The following MFRP variants were observed in gnomAD, a reference collection of about 807,000 sequenced individuals.
The protein encoded by MFRP is membrane frizzled-related protein.
MFRP carries 74 observed loss-of-function variants against 65.8 expected under a neutral mutation model. The ratio of observed to expected loss-of-function variants is 1.12; its 90% CI spans 0.93 to 1.36. The LOEUF is 1.36. MFRP is among the 40% of genes most tolerant of loss of function. MFRP has a pLI of 0.00. For synonymous variants in MFRP, 336 were observed against 288.3 expected (o/e 1.17, Z -1.68); for missense variants, 838 against 736.0 (o/e 1.14, Z -1.60).
At position 119,346,308 on chromosome 11, in the gene MFRP, C is replaced by G. The variant is rs370328104; in HGVS notation, c.121G>C (p.Glu41Gln). The G allele has an allele frequency of 2.5e-6, 4 of 1,613,908 alleles. No individual in the cohort carries two copies. The highest frequency in any genetic ancestry group is 3.4e-6 in the Non-Finnish European group (4 of 1,179,960). Residue 41 changes from glutamate to glutamine, a missense_variant, in exon 2 of 15, where the codon GAG (glutamate) becomes CAG (glutamine). Glu to Gln is a conservative substitution (Grantham distance 29). Coordinates refer to ENST00000619721, the MANE Select transcript of MFRP (RefSeq NM_031433.4). ...GPPCPPPVFP[E>Q]DASYSVPAPW... is the part of the protein sequence containing the mutation. ...GCTGGGACGCTGTAGCTGGCATCCT[C>G]TGGGAAAACTGGGGGAGGGCAGGGT...
rs757149352 is a variant in MFRP at position 119,346,565 on chromosome 11, C to G, written c.-52G>C. The G allele has an allele frequency of 1.3e-6, 2 of 1,587,474 alleles. No individual in the cohort carries two copies. The highest frequency in any genetic ancestry group is 8.6e-7 in the Non-Finnish European group (1 of 1,156,836). On this transcript the variant is annotated 5_prime_UTR_variant, in exon 1 of 15. Coordinates refer to ENST00000619721, the MANE Select transcript of MFRP (RefSeq NM_031433.4). ...GAGTCCCTGTGACAGCCCAAGACCC[C>G]CAAGGGCCCACTCGCTGACCACAAA...
In MFRP at chr11:119,342,943, C is replaced by A. The variant is rs562312824; in HGVS notation, c.1185G>T (p.Leu395=). 6.2e-7 allele frequency: 1 copy of A among 1,612,188 alleles called. No homozygotes were observed. Among genetic ancestry groups the A allele is most frequent in the East Asian group, 2.2e-5 (1 of 44,860 alleles). Reference sequence around the variant, plus strand: ...TGCTGATGCCATGATCTGTCCTAAACAGCACAGCCAGCTCATGGTGCGAGG... The same window carrying A: ...TGCTGATGCCATGATCTGTCCTAAAAAGCACAGCCAGCTCATGGTGCGAGG... ...LVSSHHELAV[L]FRTDHGISSG... is the part of the protein sequence containing the mutation. Residue 395 remains leucine, a synonymous_variant, in exon 10 of 15, where the codon CTG becomes CTT. Transcript: ENST00000619721.
At position 119,342,702 on chromosome 11, in the gene MFRP, G is replaced by A. The variant is rs1950514811; in HGVS notation, c.1281C>T (p.Ser427=). 1 of 1,613,696 alleles carries A rather than the reference G, an allele frequency of 6.2e-7. No homozygotes were observed. The highest frequency in any genetic ancestry group is 8.5e-7 in the Non-Finnish European group (1 of 1,179,960). Residue 427 remains serine (S), a synonymous_variant, in exon 11 of 15, where the codon TCC becomes TCT. Transcript: ENST00000619721. ...CACCCTTACACCCTCCTGCCTGGCAGGAGAGCTCACTGGGCCCACAGGGGT... is the reference window on the plus strand; with the variant it reads ...CACCCTTACACCCTCCTGCCTGGCAAGAGAGCTCACTGGGCCCACAGGGGT... The part of the protein sequence containing the change: ...TENPCGPSEL[S]CQAGGCKGVQ...
chr11:119,344,309 G>A lies in MFRP; in HGVS notation c.975+6C>T. The A allele has an allele frequency of 6.2e-7, 1 of 1,613,644 alleles. No homozygotes were observed. Among genetic ancestry groups the A allele is most frequent in the Non-Finnish European group, 8.5e-7 (1 of 1,179,656 alleles). On this transcript the variant is annotated splice_donor_region_variant and intron_variant, in intron 8 of 14. Coordinates refer to ENST00000619721, the MANE Select transcript of MFRP (RefSeq NM_031433.4). ...CCTCCCGTTCTGCATGGAGCACTGT[G>A]CTTACCAGTTGGTGAGGGTACTGCT...
intron 11 of MFRP, 143 bp downstream of exon 11, chr11:119,342,453 A>T: frequency 9.6e-7 from 1 of 1,044,320 alleles, no homozygotes; most frequent in Non-Finnish European, 1.4e-6. Flanking sequence ...GGACTCTGTG[A>T]AGTGGTCCCA....
Position 119,342,658 on chromosome 11 carries a change from A to C in MFRP, c.1325T>G (p.Met442Arg). Residue 442 changes from methionine (M) to arginine (R), a missense_variant, in exon 11 of 15, where the codon ATG becomes AGG. Coordinates refer to ENST00000619721, the MANE Select transcript of MFRP (RefSeq NM_031433.4). ...GCTGCCATCGGTGCAGTCTCTCCACATGTCACACATCCACTGCACACCCTT... is the reference window on the plus strand; with the variant it reads ...GCTGCCATCGGTGCAGTCTCTCCACCTGTCACACATCCACTGCACACCCTT... ...GCKGVQWMCD[M>R]WRDCTDGSDD... 6.2e-7 allele frequency: 1 copy of C among 1,613,620 alleles called. No homozygotes were observed. Among genetic ancestry groups the C allele is most frequent in the Non-Finnish European group, 8.5e-7 (1 of 1,179,916 alleles).
chr11:119,342,764 T>G, intron 10 of MFRP, 37 bp from the exon 11 acceptor site: 1 of 1,613,232 alleles, frequency 6.2e-7, no homozygotes, highest in Non-Finnish European at 8.5e-7. Context: ...CCCGGGGACA[T>G]ACCTACACCC....
In MFRP at chr11:119,339,511, C is replaced by T. The variant is rs199537571; in HGVS notation, c.*1448G>A. The T allele has an allele frequency of 1.1e-5, 18 of 1,613,740 alleles. No individual in the cohort carries two copies. The highest frequency in any genetic ancestry group is 8.0e-5 in the African/African-American group (6 of 75,008). On this transcript the variant is annotated 3_prime_UTR_variant, in exon 15 of 15. Coordinates refer to ENST00000619721, the MANE Select transcript of MFRP (RefSeq NM_031433.4). The surrounding 1 kb of genome is among the most constrained non-coding windows in gnomAD (Gnocchi z 5.4). ...CCGAGAGCGAGGCTGGCTTGGGCCA[C>T]CCCCCGAAAAACTGGAAGAAAGAGG...
intron 11 of MFRP, 127 bp from the exon 12 acceptor site, chr11:119,342,111 G>C (rs1288373265): frequency 3.5e-6 from 4 of 1,140,362 alleles, no homozygotes; most frequent in Non-Finnish European, 5.0e-6. Context: ...GGAAGCAAGA[G>C]GATAACAAAG....
chr11:119,341,978 G>A lies in MFRP; in HGVS notation c.1394C>T (p.Ala465Val), dbSNP rs200439530. ...CATCTCCACCTGGACAGGCTCACAG[G>A]CCAGCTCTGCAGGGGTGGAGGGGAG... ...SGPLFPPPEL[A>V]CEPVQVEMCL... Residue 465 changes from alanine to valine, a missense_variant, in exon 12 of 15, where the codon GCC becomes GTC. By Grantham distance (64) the Ala-to-Val change is moderately conservative. Coordinates refer to ENST00000619721, the MANE Select transcript of MFRP (RefSeq NM_031433.4). The A allele has an allele frequency of 1.2e-6, 2 of 1,613,646 alleles. No individual in the cohort carries two copies. The highest frequency in any genetic ancestry group is 1.7e-6 in the Non-Finnish European group (2 of 1,180,016).
rs1357854800 is a variant in MFRP, at chr11:119,344,758, C to G, written c.773-1G>C. The stretch of plus-strand genomic sequence containing the variant: ...CGGAACTCATCATGGGCACAGCTCC[C>G]TGGATGTGGGCACCAGGAGTCAGGG... On this transcript the variant is annotated splice_acceptor_variant, in intron 6 of 14. Transcript: ENST00000619721. LOFTEE classifies it high-confidence loss of function. The G allele has an allele frequency of 6.2e-7, 1 of 1,613,968 alleles. No homozygotes were observed. Among genetic ancestry groups the G allele is most frequent in the Admixed American group, 1.7e-5 (1 of 60,032 alleles).
Position 119,339,881 on chromosome 11 carries a change from A to T in MFRP, c.*1111-33T>A, listed in dbSNP as rs1420883389. 20 of 1,441,358 alleles carry T rather than the reference A, an allele frequency of 1.4e-5. No individual in the cohort carries two copies. Among genetic ancestry groups the T allele is most frequent in the African/African-American group, 2.9e-5 (2 of 69,236 alleles). 89.3% of individuals were successfully genotyped at this position (1,441,358 alleles called of 1,614,324 possible). A position where few individuals can be genotyped will look rare whatever the true frequency, so the allele number is the denominator to read the frequency against. On this transcript the variant is annotated intron_variant, in intron 14 of 14. Transcript: ENST00000619721. The surrounding 1 kb of genome is among the most constrained non-coding windows in gnomAD (Gnocchi z 5.4). ...GTAAGCGGGGCGGCAGGGTGAGAGTAGCGGCGGCTCAGCCCGCAGCGGGGC... is the reference window on the plus strand; with the variant it reads ...GTAAGCGGGGCGGCAGGGTGAGAGTTGCGGCGGCTCAGCCCGCAGCGGGGC...
rs948413 is a variant in MFRP at position 119,344,061 on chromosome 11, A to G, written c.976-97T>C. 0.57 allele frequency: 851,974 copies of G among 1,498,876 alleles called. 248,259 individuals are homozygous for G. Among genetic ancestry groups the G allele is most frequent in the South Asian group, 0.63 (55,031 of 87,506 alleles). 92.8% of individuals were successfully genotyped at this position (1,498,876 alleles called of 1,614,324 possible). On this transcript the variant is annotated intron_variant, in intron 8 of 14. Coordinates refer to ENST00000619721, the MANE Select transcript of MFRP (RefSeq NM_031433.4). The stretch of plus-strand genomic sequence containing the variant: ...TCTTCCCCCACTGCTGGCTGGGGGG[A>G]TGGGGTGGTGCTTTCATCATTGGTG...
intron 9 of MFRP, 103 bp from the exon 10 acceptor site, chr11:119,343,106 C>T: frequency 7.1e-7 from 1 of 1,418,154 alleles, no homozygotes; most frequent in Non-Finnish European, 9.6e-7. Context: ...CTGGATGATG[C>T]CAAAGGTGAT....
At position 119,339,450 on chromosome 11, in the gene MFRP, C is replaced by T. The variant is rs1443464398; in HGVS notation, c.*1509G>A. 2 of 1,614,018 alleles carry T rather than the reference C, an allele frequency of 1.2e-6. No homozygotes were observed. The highest frequency in any genetic ancestry group is 2.7e-5 in the African/African-American group (2 of 74,956). On this transcript the variant is annotated 3_prime_UTR_variant, in exon 15 of 15. Transcript: ENST00000619721. This position sits in a 1 kb window ranked among gnomAD's most constrained non-coding sequence, Gnocchi z 5.4. ...TCACCCACACCCACCTGCACCCACA[C>T]TTGGTCCTCAGGCTCCAGCCTCACC...
chr11:119,341,786 G>A lies in MFRP; in HGVS notation c.1516-14C>T, dbSNP rs762062600. 6.2e-7 allele frequency: 1 copy of A among 1,613,242 alleles called. No individual in the cohort carries two copies. The highest frequency in any genetic ancestry group is 1.1e-5 in the South Asian group (1 of 91,078). ...GCTTGTCAGGCTCTGCGGAGGGAGA[G>A]TGGCCTTCAGGCACCTGCTCCCAGG... On this transcript the variant is annotated splice_polypyrimidine_tract_variant and intron_variant, in intron 12 of 14. Coordinates refer to ENST00000619721, the MANE Select transcript of MFRP (RefSeq NM_031433.4).
rs779988237 is a variant in MFRP at position 119,344,848 on chromosome 11, C to A, written c.772+26G>T. 1.9e-6 allele frequency: 3 copies of A among 1,613,310 alleles called. No homozygotes were observed. The South Asian group carries it at 3.3e-5, about 18-fold the overall frequency. Reference sequence around the variant, plus strand: ...GGTGGAGGGGAAGAAAGTGGACACTCAACAGGCAGGTGGGAACACACTCAC... The same window carrying A: ...GGTGGAGGGGAAGAAAGTGGACACTAAACAGGCAGGTGGGAACACACTCAC... On this transcript the variant is annotated intron_variant, in intron 6 of 14. Transcript: ENST00000619721.
In MFRP at chr11:119,346,441, G is replaced by T; in HGVS notation, c.54+19C>A. On this transcript the variant is annotated intron_variant, in intron 1 of 14. Transcript: ENST00000619721. Reference sequence around the variant, plus strand: ...CACTGGTGCTGGGTCTTAGGAGCACGATTCTATGTGGTCCTTACCTTGCTC... The same window carrying T: ...CACTGGTGCTGGGTCTTAGGAGCACTATTCTATGTGGTCCTTACCTTGCTC... 1 of 1,613,816 alleles carries T rather than the reference G, an allele frequency of 6.2e-7. No individual in the cohort carries two copies. Among genetic ancestry groups the T allele is most frequent in the Non-Finnish European group, 8.5e-7 (1 of 1,179,724 alleles).
chr11:119,345,006 T>A lies in MFRP; in HGVS notation c.642-2A>T. ...GGGGGAGGCACCCTTCCACAAACCC[T>A]GCAAGAAGCCAGGTTGGGGGTGAGG... On this transcript the variant is annotated splice_acceptor_variant, in intron 5 of 14. Coordinates refer to ENST00000619721, the MANE Select transcript of MFRP (RefSeq NM_031433.4). LOFTEE classifies it high-confidence loss of function. The A allele has an allele frequency of 6.2e-7, 1 of 1,603,454 alleles. No homozygotes were observed. Among genetic ancestry groups the A allele is most frequent in the Non-Finnish European group, 8.5e-7 (1 of 1,176,242 alleles).
Sources: allele counts gnomAD v4.1 joint callset, GRCh38; gene constraint gnomAD v4.1.1; non-coding constraint Gnocchi (gnomAD v3.1); transcripts MANE v1.5; gene names NCBI Gene and HGNC (gene_info 2026-07-23, HGNC 2026-07-21).